The following SHLD1 variants were observed in gnomAD, a reference collection of about 807,000 sequenced individuals.
The protein encoded by SHLD1 is shieldin complex subunit 1, also known as RINN1-REV7-interacting novel NHEJ regulator 3.
Under a neutral mutation model 5.5 loss-of-function variants are expected in SHLD1, and 3 were observed. The observed-to-expected ratio is 0.54, with a 90% CI of 0.25 to 1.40. SHLD1 has a LOEUF of 1.40. SHLD1 is among the 40% of genes most tolerant of loss of function. SHLD1 has a pLI of 0.15. For synonymous variants in SHLD1, 92 were observed against 94.3 expected, an observed-to-expected ratio of 0.98 and a Z score of 0.14; for missense variants, 210 against 244.4, an observed-to-expected ratio of 0.86 and a Z score of 0.94.
chr20:5,819,113 C>G (rs1274714235), intron 2 of SHLD1, among the ~76,000 whole-genome samples: 5 of 152,122 alleles, frequency 3.3e-5, no homozygotes, highest in Non-Finnish European at 5.9e-5. Context: ...CTGCCCGCCT[C>G]AGCCTCCCAA....
intron 2 of SHLD1, among the ~76,000 whole-genome samples, chr20:5,775,923 A>ATTTTTGTTTTTTTTTTTT (rs1985402733): frequency 2.6e-5 from 2 of 77,678 alleles, no homozygotes; most frequent in Non-Finnish European, 4.7e-5. Flanking sequence ...TCAGCTCAGG[A>ATTTTTGTTTTTTTTTTTT]TTTTTTTTTT....
intron 1 of SHLD1, among the ~76,000 whole-genome samples, chr20:5,763,555 T>C (rs1244320415): frequency 6.6e-6 from 1 of 152,152 alleles, no homozygotes; most frequent in Non-Finnish European, 1.5e-5. Flanking sequence ...CAATGTGTAA[T>C]TGACGATTCT....
At chr20:5,792,872 A>G (rs948959150) in intron 2 of SHLD1, among the ~76,000 whole-genome samples, 1 of 151,382 alleles carries the variant, frequency 6.6e-6, no homozygotes, top group Non-Finnish European at 1.5e-5. Context: ...ACGGGGTTTC[A>G]TCATGTTGGC....
chr20:5,853,168 C>T (rs901734449), intron 2 of SHLD1, among the ~76,000 whole-genome samples: 3 of 152,128 alleles, frequency 2.0e-5, no homozygotes, highest in Non-Finnish European at 4.4e-5. Context: ...ACAAGAGAGA[C>T]AAAAATCCTT....
intron 1 of SHLD1, among the ~76,000 whole-genome samples, chr20:5,762,020 G>A (rs917172685): frequency 2.6e-5 from 4 of 151,726 alleles, no homozygotes; most frequent in African/African-American, 9.7e-5. Context: ...GGGAGGCTGA[G>A]GCAGGTAGAT....
At chr20:5,772,578 G>C (rs971929693) in intron 1 of SHLD1, among the ~76,000 whole-genome samples, 3 of 152,244 alleles carry the variant, frequency 2.0e-5, no homozygotes, top group Non-Finnish European at 2.9e-5. Context: ...CATAAGGGGG[G>C]ACTACTGTAA....
At chr20:5,831,009 TA>T (rs200181101) in intron 2 of SHLD1, among the ~76,000 whole-genome samples, 115 of 151,508 alleles carry the variant, frequency 7.6e-4, no homozygotes, top group African/African-American at 2.7e-3. Flanking sequence ...TAATAAAAAG[TA>T]AAAAAAAATC....
chr20:5,802,376 T>A (rs1600137337), intron 2 of SHLD1, among the ~76,000 whole-genome samples: 1 of 152,190 alleles, frequency 6.6e-6, no homozygotes, highest in East Asian at 1.9e-4. Flanking sequence ...CCAGATCTGC[T>A]ACCCACTAGC....
rs765431774 is a variant in SHLD1 at position 5,772,854 on chromosome 20, C to T, written c.-4-8C>T. 1 of 1,596,044 alleles carries T rather than the reference C, an allele frequency of 6.3e-7. No individual in the cohort carries two copies. The highest frequency in any genetic ancestry group is 2.2e-5 in the East Asian group (1 of 44,616). On this transcript the variant is annotated splice_polypyrimidine_tract_variant and splice_region_variant and intron_variant, in intron 1 of 2. Coordinates refer to ENST00000303142, the MANE Select transcript of SHLD1 (RefSeq NM_152504.4). Reference sequence around the variant, plus strand: ...TTGTACTGAATTGTTTTCTTTTTTCCATGGCAGGACTATGGCAGCCAGGGA... The same window carrying T: ...TTGTACTGAATTGTTTTCTTTTTTCTATGGCAGGACTATGGCAGCCAGGGA...
rs2087573503 is a variant in SHLD1, at chr20:5,818,985, C to T, written c.179-44039C>T. On this transcript the variant is annotated intron_variant, in intron 2 of 2. Transcript: ENST00000303142. ...TCAAGCAATTCTTGGGCCTCAGCCT[C>T]CCAAGTAGCTGGGACTACAGGTGTG... is the stretch of plus-strand genomic sequence containing the variant. Among the ~76,000 whole-genome samples the T allele has an allele frequency of 2.0e-5, 3 of 152,186 alleles. No individual in the cohort carries two copies. In the South Asian group the frequency reaches 6.2e-4, roughly 32 times the overall value.
chr20:5,779,259 A>G (rs1985581222), intron 2 of SHLD1, among the ~76,000 whole-genome samples: 1 of 152,052 alleles, frequency 6.6e-6, no homozygotes, highest in South Asian at 2.1e-4. Context: ...GCTGTTACCA[A>G]GCAATGAACT....
intron 2 of SHLD1, among the ~76,000 whole-genome samples, chr20:5,800,492 G>A (rs566261799): frequency 2.4e-4 from 37 of 152,248 alleles, no homozygotes; most frequent in African/African-American, 8.2e-4. Context: ...TAAGGAGGTC[G>A]AGACCAGCCT....
At position 5,844,790 on chromosome 20, in the gene SHLD1, TATATATA is replaced by T. The variant is rs1292369708; in HGVS notation, c.179-18233_179-18227del. Reference sequence around the variant, plus strand: ...GTAGACATATATATATATATATATATATATATATATTTTTTTTTTTTTGAGACACAGT... The same window carrying T: ...GTAGACATATATATATATATATATATTATTTTTTTTTTTTTGAGACACAGT... On this transcript the variant is annotated intron_variant, in intron 2 of 2. Transcript: ENST00000303142. Among the ~76,000 whole-genome samples the T allele has an allele frequency of 3.3e-4, 36 of 107,772 alleles. 2 individuals are homozygous for T. The highest frequency in any genetic ancestry group is 1.6e-3 in the African/African-American group (34 of 21,472). 70.7% of individuals were successfully genotyped at this position (107,772 alleles called of 152,430 possible).
intron 2 of SHLD1, among the ~76,000 whole-genome samples, chr20:5,844,262 T>C (rs574949224): frequency 1.3e-5 from 2 of 152,190 alleles, no homozygotes; most frequent in African/African-American, 4.8e-5. Flanking sequence ...ATTTTCACAA[T>C]TTTTTGTTTT....
At chr20:5,849,819 C>A (rs1369070033) in intron 2 of SHLD1, among the ~76,000 whole-genome samples, 2 of 150,452 alleles carry the variant, frequency 1.3e-5, no homozygotes, top group Admixed American at 1.3e-4. Flanking sequence ...ATTAGCCGGG[C>A]GCGGTGGCGG....
In SHLD1 at chr20:5,854,576, T is replaced by C. The variant is rs888322704; in HGVS notation, c.179-8448T>C. Reference sequence around the variant, plus strand: ...CAAGCTATGAGTGGGACTTTAGATATTAGCTTTGTAAGAAACGTAAGGCAG... The same window carrying C: ...CAAGCTATGAGTGGGACTTTAGATACTAGCTTTGTAAGAAACGTAAGGCAG... On this transcript the variant is annotated intron_variant, in intron 2 of 2. Coordinates refer to ENST00000303142, the MANE Select transcript of SHLD1 (RefSeq NM_152504.4). Among the ~76,000 whole-genome samples, 4 of 152,172 alleles carry C rather than the reference T, an allele frequency of 2.6e-5. No individual in the cohort carries two copies. In the East Asian group the frequency reaches 5.8e-4, roughly 22 times the overall value.
intron 2 of SHLD1, among the ~76,000 whole-genome samples, chr20:5,817,401 T>C (rs925593622): frequency 2.9e-5 from 2 of 68,366 alleles, no homozygotes; most frequent in African/African-American, 8.4e-5. Context: ...ATTTTCTCTC[T>C]CTCTCTCTCT....
rs116971001 is a variant in SHLD1, at chr20:5,758,992, C to T, written c.-5+8513C>T. Reference sequence around the variant, plus strand: ...TTTTCTGAGATGGAGTCTCGCACTGCCCACCGGGATAGAGTGCAATGGCGC... The same window carrying T: ...TTTTCTGAGATGGAGTCTCGCACTGTCCACCGGGATAGAGTGCAATGGCGC... On this transcript the variant is annotated intron_variant, in intron 1 of 2. Coordinates refer to ENST00000303142, the MANE Select transcript of SHLD1 (RefSeq NM_152504.4). Among the ~76,000 whole-genome samples the T allele has an allele frequency of 1.1e-4, 16 of 142,584 alleles. No homozygotes were observed. In the East Asian group the frequency reaches 3.1e-3, roughly 27 times the overall value. The allele number at this position is 142,584 out of a possible 152,430, so 93.5% of individuals were successfully genotyped here.
intron 2 of SHLD1, among the ~76,000 whole-genome samples, chr20:5,854,056 A>C (rs1328700971): frequency 6.8e-6 from 1 of 147,288 alleles, no homozygotes; most frequent in African/African-American, 2.5e-5. Context: ...CCCAGGCTGG[A>C]GTGCAATGGT....
Sources: allele counts gnomAD v4.1 joint callset (sites outside exome capture counted in the v4.1 genomes callset), GRCh38; gene constraint gnomAD v4.1.1; transcripts MANE v1.5; gene names NCBI Gene and HGNC (gene_info 2026-07-23, HGNC 2026-07-21).